Variants in DIP2C observed in about 807,000 individuals in gnomAD.
DIP2C encodes DIP2 acetate--CoA ligase C (putative).
DIP2C carries 33 observed loss-of-function variants against 192.4 expected under a neutral mutation model. That is an observed-to-expected ratio of 0.17 (90% CI 0.13 to 0.23). The LOEUF (loss-of-function observed/expected upper bound fraction) is 0.23, where lower values mean the gene tolerates loss of function less well. Ranked by LOEUF, DIP2C falls within the 10% of genes least tolerant of loss-of-function variation. DIP2C has a pLI of 1.00. For missense variants in DIP2C, 1,537 were observed against 2,110.1 expected (o/e 0.73, Z 5.32); for synonymous variants, 979 against 864.1 (o/e 1.13, Z -2.33).
chr10:562,212 C>CA (rs1449274313), intron 1 of DIP2C, among the ~76,000 whole-genome samples: 4 of 152,210 alleles, frequency 2.6e-5, no homozygotes, highest in African/African-American at 9.6e-5. Context: ...TGATGTTTAA[C>CA]ACACACAGAG....
At chr10:627,222 T>C (rs1361888988) in intron 1 of DIP2C, among the ~76,000 whole-genome samples, 2 of 152,200 alleles carry the variant, frequency 1.3e-5, no homozygotes, top group Admixed American at 1.3e-4. Flanking sequence ...CCCCCGAAGC[T>C]GCTTTCCCTC....
intron 35 of DIP2C, among the ~76,000 whole-genome samples, 182 bp from the exon 36 acceptor site, chr10:281,505 G>A (rs1432465674): frequency 2.0e-5 from 3 of 152,222 alleles, no homozygotes; most frequent in South Asian, 2.1e-4. Flanking sequence ...TGCTCGGCTC[G>A]TGTGCCAGTA....
intron 13 of DIP2C, 126 bp from the exon 14 acceptor site, chr10:387,935 T>C (rs1466643554): frequency 1.1e-5 from 12 of 1,127,358 alleles, no homozygotes; most frequent in Non-Finnish European, 4.0e-6. Flanking sequence ...TTTTGCCGTA[T>C]CTTGGTGGAA....
chr10:672,917 A>G (rs927479126), intron 1 of DIP2C, among the ~76,000 whole-genome samples: 1 of 152,234 alleles, frequency 6.6e-6, no homozygotes, highest in African/African-American at 2.4e-5. Context: ...AAAAAATTAC[A>G]TGTACAAAAA....
intron 31 of DIP2C, chr10:324,806 G>C (rs967681719): frequency 2.3e-6 from 1 of 427,860 alleles, no homozygotes; most frequent in African/African-American, 2.0e-5. Context: ...CCGAGGTAAG[G>C]ACGGTGGCAC....
chr10:476,510 A>G (rs1310206411), intron 2 of DIP2C, among the ~76,000 whole-genome samples: 1 of 152,240 alleles, frequency 6.6e-6, no homozygotes, highest in Non-Finnish European at 1.5e-5. Flanking sequence ...GCACCAAGCC[A>G]GGACTATTAC....
intron 1 of DIP2C, among the ~76,000 whole-genome samples, chr10:649,135 C>G (rs1160867631): frequency 6.7e-6 from 1 of 149,050 alleles, no homozygotes; most frequent in Non-Finnish European, 1.5e-5. Flanking sequence ...GAAACTTAGT[C>G]CACGTCCACA....
At chr10:339,628 C>T (rs543830278) in intron 29 of DIP2C, among the ~76,000 whole-genome samples, 6 of 152,132 alleles carry the variant, frequency 3.9e-5, no homozygotes, top group Non-Finnish European at 7.4e-5. Flanking sequence ...TTGTTCAGAA[C>T]AGACCTCTGC....
At chr10:664,869 C>A (rs1856991634) in intron 1 of DIP2C, 1 of 151,876 alleles carries the variant, frequency 6.6e-6, no homozygotes, top group South Asian at 2.1e-4. Flanking sequence ...CGGGAAAAAA[C>A]AAAGTAGAGA....
At chr10:455,173 C>T (rs1452511175) in intron 3 of DIP2C, among the ~76,000 whole-genome samples, 1 of 152,212 alleles carries the variant, frequency 6.6e-6, no homozygotes, top group East Asian at 1.9e-4. Context: ...GTTCAAACCC[C>T]AGCTCCTCTG....
At chr10:629,286 A>G (rs193134381) in intron 1 of DIP2C, among the ~76,000 whole-genome samples, 321 of 152,102 alleles carry the variant, frequency 2.1e-3, no homozygotes, top group African/African-American at 7.1e-3. Flanking sequence ...CTGAGGACAA[A>G]ACTGCTCCAG....
intron 5 of DIP2C, 95 bp from the exon 6 acceptor site, chr10:419,294 T>TG: frequency 6.4e-7 from 1 of 1,563,980 alleles, no homozygotes; most frequent in Non-Finnish European, 8.7e-7. Flanking sequence ...GAAGCACAGG[T>TG]GCTCACCCTG....
At chr10:646,813 T>C (rs1375813299) in intron 1 of DIP2C, among the ~76,000 whole-genome samples, 1 of 152,158 alleles carries the variant, frequency 6.6e-6, no homozygotes, top group Admixed American at 6.5e-5. Context: ...CTGGGGGAGG[T>C]GGGCACACAC....
At chr10:609,171 A>G (rs1244518003) in intron 1 of DIP2C, among the ~76,000 whole-genome samples, 4 of 152,266 alleles carry the variant, frequency 2.6e-5, no homozygotes, top group Middle Eastern at 3.4e-3. Context: ...CTACAAAAAT[A>G]TTTAATGATC....
intron 6 of DIP2C, among the ~76,000 whole-genome samples, chr10:418,392 A>C (rs1193357903): frequency 1.3e-5 from 2 of 151,014 alleles, no homozygotes; most frequent in African/African-American, 2.4e-5. Context: ...AGATGACAGC[A>C]TACCAAGGCT....
At chr10:331,410 T>C (rs1393271532) in intron 29 of DIP2C, among the ~76,000 whole-genome samples, 1 of 152,230 alleles carries the variant, frequency 6.6e-6, no homozygotes, top group African/African-American at 2.4e-5. Flanking sequence ...TGATTTATTC[T>C]TTTCAAAAGG....
At chr10:597,239 C>T (rs1851763056) in intron 1 of DIP2C, among the ~76,000 whole-genome samples, 1 of 152,176 alleles carries the variant, frequency 6.6e-6, no homozygotes, top group Admixed American at 6.5e-5. Flanking sequence ...GGATCTGCAC[C>T]CTCCGCTTCT....
intron 1 of DIP2C, among the ~76,000 whole-genome samples, chr10:619,806 A>T (rs562015383): frequency 4.6e-5 from 7 of 152,174 alleles, no homozygotes; most frequent in African/African-American, 1.7e-4. Flanking sequence ...AGCGCCAGAG[A>T]GTCCTGGATA....
chr10:603,596 G>A (rs1852252161), intron 1 of DIP2C, among the ~76,000 whole-genome samples: 1 of 152,190 alleles, frequency 6.6e-6, no homozygotes. Context: ...CACTGTTTCT[G>A]TCCAACTATC....
Sources: allele counts gnomAD v4.1 joint callset (sites outside exome capture counted in the v4.1 genomes callset), GRCh38; gene constraint gnomAD v4.1.1; transcripts MANE v1.5; gene names NCBI Gene and HGNC (gene_info 2026-07-23, HGNC 2026-07-21).